Variants in UNC5B observed in about 807,000 individuals in gnomAD.
UNC5B encodes the protein netrin receptor UNC5B.
Under a neutral mutation model 103.7 loss-of-function variants are expected in UNC5B, and 56 were observed. The observed-to-expected ratio is 0.54, with a 90% CI of 0.44 to 0.67. The LOEUF (loss-of-function observed/expected upper bound fraction) is 0.67. UNC5B is among the 30% of genes least tolerant of loss of function. The pLI, the probability that UNC5B is intolerant of heterozygous loss-of-function variation, is 0.00. For missense variants in UNC5B, 1,194 were observed against 1,284.5 expected, an observed-to-expected ratio of 0.93 and a Z score of 1.08; for synonymous variants, 577 against 542.0, an observed-to-expected ratio of 1.06 and a Z score of -0.90.
In UNC5B at chr10:71,213,795, G is replaced by A. The variant is rs548274370; in HGVS notation, c.79+731G>A. 5.3e-4 allele frequency among the ~76,000 whole-genome samples: 79 copies of A among 149,688 alleles called. No homozygotes were observed. The highest frequency in any genetic ancestry group is 1.8e-3 in the African/African-American group (71 of 40,502). ...GGGTAGGGGTTCTTAGCGATCCTGC[G>A]GAGTTTCCTTTTAAATTGGTCACTG... On this transcript the variant is annotated intron_variant, in intron 1 of 16. Coordinates refer to ENST00000335350, the MANE Select transcript of UNC5B (RefSeq NM_170744.5). This position sits in a 1 kb window ranked among gnomAD's most constrained non-coding sequence, Gnocchi z 4.1.
At chr10:71,292,312 G>A (rs1845285521) in intron 10 of UNC5B, among the ~76,000 whole-genome samples, 155 bp from the exon 11 acceptor site, 1 of 152,072 alleles carries the variant, frequency 6.6e-6, no homozygotes, top group African/African-American at 2.4e-5. Context: ...GCCTCTGCTT[G>A]CATCCAGTCC....
chr10:71,299,903 A>C lies in UNC5B; in HGVS notation c.*626A>C, dbSNP rs1373455381. Reference sequence around the variant, plus strand: ...ACGCAAACGATTTATTATCCAGATTATTTGGATAAGTCCTTTTTAAGAAAA... The same window carrying C: ...ACGCAAACGATTTATTATCCAGATTCTTTGGATAAGTCCTTTTTAAGAAAA... On this transcript the variant is annotated 3_prime_UTR_variant, in exon 17 of 17. Coordinates refer to ENST00000335350, the MANE Select transcript of UNC5B (RefSeq NM_170744.5). 2.0e-5 allele frequency: 3 copies of C among 148,620 alleles called. No homozygotes were observed. Among genetic ancestry groups the C allele is most frequent in the Non-Finnish European group, 4.4e-5 (3 of 67,708 alleles). The allele number at this position is 148,620 out of a possible 1,614,324, so 9.2% of individuals were successfully genotyped here.
At chr10:71,260,710 G>T (rs1305022851) in intron 1 of UNC5B, among the ~76,000 whole-genome samples, 1 of 152,246 alleles carries the variant, frequency 6.6e-6, no homozygotes, top group Admixed American at 6.5e-5. Context: ...AGGCACTATT[G>T]AAGAGGCTCC....
At chr10:71,278,969 C>G (rs1044745350) in intron 1 of UNC5B, among the ~76,000 whole-genome samples, 3 of 152,398 alleles carry the variant, frequency 2.0e-5, no homozygotes, top group Middle Eastern at 6.8e-3. Flanking sequence ...GCCACACCCC[C>G]CTTCCTGTTT....
rs751544907 is a variant in UNC5B, at chr10:71,293,868, C to T, written c.2110C>T (p.Leu704Phe). Residue 704 changes from leucine (L) to phenylalanine (F), a missense_variant, in exon 13 of 17, where the codon CTC (leucine) becomes TTC (phenylalanine). By Grantham distance (22) the Leu-to-Phe change is conservative. Transcript: ENST00000335350. ...RLQLAVFAPA[L>F]CTSLEYSLRV... is the part of the protein sequence containing the mutation. ...CCAGCTGGCCGTCTTCGCCCCCGCC[C>T]TCTGCACCTCCCTGGAGTACAGCCT... is the stretch of plus-strand genomic sequence containing the variant. 190 of 1,608,314 alleles carry T rather than the reference C, an allele frequency of 1.2e-4. No homozygotes were observed. The highest frequency in any genetic ancestry group is 1.6e-4 in the Non-Finnish European group (187 of 1,179,788).
intron 1 of UNC5B, among the ~76,000 whole-genome samples, chr10:71,261,435 A>G (rs1414859436): frequency 6.6e-6 from 1 of 152,188 alleles, no homozygotes; most frequent in Non-Finnish European, 1.5e-5. Context: ...ATATCCTGAG[A>G]TTCTGAGGCT....
Position 71,279,931 on chromosome 10 carries a change from C to A in UNC5B, c.190C>A (p.Pro64Thr), listed in dbSNP as rs1844877605. 1 of 1,613,878 alleles carries A rather than the reference C, an allele frequency of 6.2e-7. No homozygotes were observed. The highest frequency in any genetic ancestry group is 8.5e-7 in the Non-Finnish European group (1 of 1,180,024). ...GGACGCCTACATTGTGAAGAACAAG[C>A]CTGTGGAGCTCCGCTGCCGCGCCTT... The part of the protein sequence containing the change: ...PQDAYIVKNK[P>T]VELRCRAFPA... The change falls in exon 2 of 17, where the codon CCT (proline) becomes ACT (threonine). Residue 64 changes from proline (P) to threonine (T), a missense_variant. Physicochemically the swap from Pro to Thr is conservative, Grantham distance 38. Transcript: ENST00000335350.
rs55848098 is a variant in UNC5B, at chr10:71,215,806, GGTGTGTGTGTGT to G, written c.79+2768_79+2779del. On this transcript the variant is annotated intron_variant, in intron 1 of 16. Coordinates refer to ENST00000335350, the MANE Select transcript of UNC5B (RefSeq NM_170744.5). ...CAGAGTTTTTGTAGTGTCTCTGCTT[GGTGTGTGTGTGT>G]GTGTGTGTGTGTGTGTGTGTGTGTG... 3.1e-3 allele frequency among the ~76,000 whole-genome samples: 471 copies of G among 149,608 alleles called. 1 individual carries two copies. Among genetic ancestry groups the G allele is most frequent in the East Asian group, 9.0e-3 (45 of 5,000 alleles).
chr10:71,267,622 G>C (rs565148460), intron 1 of UNC5B, among the ~76,000 whole-genome samples: 1 of 152,318 alleles, frequency 6.6e-6, no homozygotes, highest in East Asian at 1.9e-4. Flanking sequence ...ATTGCTCTCT[G>C]AGCCTCACCA....
chr10:71,261,459 C>T (rs1486320672), intron 1 of UNC5B, among the ~76,000 whole-genome samples: 2 of 152,220 alleles, frequency 1.3e-5, no homozygotes, highest in Non-Finnish European at 1.5e-5. Flanking sequence ...AAAGCCCAGG[C>T]TGGCATGCAA....
chr10:71,248,429 C>A (rs1157933030), intron 1 of UNC5B, among the ~76,000 whole-genome samples: 1 of 152,196 alleles, frequency 6.6e-6, no homozygotes, highest in African/African-American at 2.4e-5. Context: ...CCCACTTTCC[C>A]CTTCTTCCCC....
chr10:71,300,796 A>G lies in UNC5B; in HGVS notation c.*1519A>G, dbSNP rs1465409646. The G allele has an allele frequency of 6.6e-6, 1 of 152,342 alleles. No individual in the cohort carries two copies. Among genetic ancestry groups the G allele is most frequent in the Non-Finnish European group, 1.5e-5 (1 of 68,140 alleles). The allele number at this position is 152,342 out of a possible 1,614,324, so 9.4% of individuals were successfully genotyped here. A position where few individuals can be genotyped will look rare whatever the true frequency, so the allele number is the denominator to read the frequency against. On this transcript the variant is annotated 3_prime_UTR_variant, in exon 17 of 17. Transcript: ENST00000335350. ...TGCTTCATATGCCCAGGAGTGGAGAAGGAGGCTGAGAAGCTGGTTTCCCAG... is the reference window on the plus strand; with the variant it reads ...TGCTTCATATGCCCAGGAGTGGAGAGGGAGGCTGAGAAGCTGGTTTCCCAG...
Position 71,229,860 on chromosome 10 carries a change from G to A in UNC5B, c.79+16796G>A, listed in dbSNP as rs1843648187. On this transcript the variant is annotated intron_variant, in intron 1 of 16. Coordinates refer to ENST00000335350, the MANE Select transcript of UNC5B (RefSeq NM_170744.5). ...AGCTGGTGGTGAGAATCAGCCCCAT[G>A]CCATCTCTGGCTGTCCCACCGTCGC... Among the ~76,000 whole-genome samples, 2 of 152,126 alleles carry A rather than the reference G, an allele frequency of 1.3e-5. 1 individual carries two copies. The highest frequency in any genetic ancestry group is 4.1e-4 in the South Asian group (2 of 4,824).
chr10:71,297,150 G>A lies in UNC5B; in HGVS notation c.2490+408G>A, dbSNP rs543133678. 1.7e-4 allele frequency among the ~76,000 whole-genome samples: 26 copies of A among 152,174 alleles called. No individual in the cohort carries two copies. The East Asian group carries it at 4.0e-3, about 24-fold the overall frequency. ...GGGCTGCAGCACACAGAACCCTGTA[G>A]TTCCCTCTCACCTCCCAAGTCTGAG... On this transcript the variant is annotated intron_variant, in intron 15 of 16. Transcript: ENST00000335350.
At chr10:71,225,960 C>T (rs927609581) in intron 1 of UNC5B, among the ~76,000 whole-genome samples, 3 of 152,130 alleles carry the variant, frequency 2.0e-5, no homozygotes, top group African/African-American at 7.2e-5. Flanking sequence ...TTGAGGAGGA[C>T]CACTCAAGCT....
chr10:71,216,657 C>T lies in UNC5B; in HGVS notation c.79+3593C>T, dbSNP rs148438238. ...TCAAAGCTTTAGGAGCCAGTGCCCT[C>T]CCCCACCTTTGTTGTTGAGTTTCTC... On this transcript the variant is annotated intron_variant, in intron 1 of 16. Coordinates refer to ENST00000335350, the MANE Select transcript of UNC5B (RefSeq NM_170744.5). 2.5e-3 allele frequency among the ~76,000 whole-genome samples: 374 copies of T among 152,350 alleles called. 2 individuals carry two copies. Among genetic ancestry groups the T allele is most frequent in the African/African-American group, 8.1e-3 (337 of 41,570 alleles).
intron 1 of UNC5B, among the ~76,000 whole-genome samples, chr10:71,276,981 C>T (rs1844787138): frequency 6.6e-6 from 1 of 152,234 alleles, no homozygotes; most frequent in Non-Finnish European, 1.5e-5. Flanking sequence ...CTGCCAAGGC[C>T]AGAGCTGAAT....
chr10:71,226,004 C>G (rs904321402), intron 1 of UNC5B, among the ~76,000 whole-genome samples: 1 of 152,188 alleles, frequency 6.6e-6, no homozygotes, highest in African/African-American at 2.4e-5. Context: ...CTCCCCACCC[C>G]CTAGTTCCTA....
Position 71,213,045 on chromosome 10 carries a change from C to G in UNC5B, c.60C>G (p.Asp20Glu). 1 of 1,410,618 alleles carries G rather than the reference C, an allele frequency of 7.1e-7. No homozygotes were observed. The highest frequency in any genetic ancestry group is 1.7e-5 in the South Asian group (1 of 60,160). 87.4% of individuals were successfully genotyped at this position (1,410,618 alleles called of 1,614,324 possible). A position where few individuals can be genotyped will look rare whatever the true frequency, so the allele number is the denominator to read the frequency against. The stretch of plus-strand genomic sequence containing the variant: ...TGCTGGCACTGCTGCTCTGCTGGGA[C>G]CCGAGGCTGAGCCAAGCAGGTAGGA... ...ALLLALLLCWDPRLSQAGTDS... is the reference protein window; with the variant it reads ...ALLLALLLCWEPRLSQAGTDS... The change falls in exon 1 of 17, where the codon GAC (aspartate) becomes GAG (glutamate). Residue 20 changes from aspartate to glutamate, a missense_variant. Transcript: ENST00000335350. The surrounding 1 kb of genome is among the most constrained non-coding windows in gnomAD (Gnocchi z 4.1).
Sources: allele counts gnomAD v4.1 joint callset (sites outside exome capture counted in the v4.1 genomes callset), GRCh38; gene constraint gnomAD v4.1.1; non-coding constraint Gnocchi (gnomAD v3.1); transcripts MANE v1.5; gene names NCBI Gene and HGNC (gene_info 2026-07-23, HGNC 2026-07-21).